MTMR8: variants seen among roughly 807,000 people sequenced by gnomAD.
MTMR8 encodes myotubularin related protein 8.
In MTMR8, 65 loss-of-function variants were observed where a neutral mutation model predicts 39.3. The observed-to-expected ratio is 1.65, with a 90% CI of 1.35 to 2.03. MTMR8 has a LOEUF of 2.03. MTMR8 is among the 30% of genes most tolerant of loss of function. MTMR8 has a pLI of 0.00. For synonymous variants in MTMR8, 245 were observed against 185.2 expected, an observed-to-expected ratio of 1.32 and a Z score of -2.62; for missense variants, 777 against 538.9, an observed-to-expected ratio of 1.44 and a Z score of -4.37.
chrX:64,346,742 CT>C (rs1419790947), intron 6 of MTMR8, among the ~76,000 whole-genome samples: 11 of 110,188 alleles, frequency 1.0e-4, no homozygotes, highest in African/African-American at 3.7e-4. Flanking sequence ...TTAAAAGGGG[CT>C]TTTTGGTGTT....
chrX:64,290,741 T>C (rs1047812224), intron 12 of MTMR8, among the ~76,000 whole-genome samples: 2 of 112,112 alleles, frequency 1.8e-5, no homozygotes, highest in Admixed American at 1.9e-4. Context: ...CATTTTGAAA[T>C]TGGCATTTTT....
At chrX:64,289,673 G>T (rs6524874) in intron 12 of MTMR8, among the ~76,000 whole-genome samples, 8,517 of 92,323 alleles carry the variant, frequency 0.092, 1,027 homozygotes, top group African/African-American at 0.46. Context: ...TAAGTTGGGA[G>T]CAAGGACTCA....
In MTMR8 at chrX:64,268,532, C is replaced by T. The variant is rs1261613953; in HGVS notation, c.*5G>A. The T allele has an allele frequency of 7.5e-6, 9 of 1,197,091 alleles. No homozygotes were observed. Among genetic ancestry groups the T allele is most frequent in the Non-Finnish European group, 9.0e-6 (8 of 889,192 alleles). On this transcript the variant is annotated 3_prime_UTR_variant, in exon 14 of 14. Transcript: ENST00000374852. The stretch of plus-strand genomic sequence containing the variant: ...TATACCTAGCATGGAAGATGAGTAA[C>T]TAACTCACTGATGCTTGGAGTAGTC...
Position 64,268,502 on chromosome X carries a change from G to A in MTMR8, c.*35C>T. On this transcript the variant is annotated 3_prime_UTR_variant, in exon 14 of 14. Transcript: ENST00000374852. ...TGGGACAAGAATCATTGTAGCTGCT[G>A]TAGGTATACCTAGCATGGAAGATGA... 1.7e-6 allele frequency: 2 copies of A among 1,171,347 alleles called. No individual in the cohort carries two copies. Among genetic ancestry groups the A allele is most frequent in the South Asian group, 2.0e-5 (1 of 50,298 alleles).
At chrX:64,285,001 A>T (rs1179919849) in intron 12 of MTMR8, among the ~76,000 whole-genome samples, 3 of 112,150 alleles carry the variant, frequency 2.7e-5, no homozygotes, top group Non-Finnish European at 5.6e-5. Context: ...AAATGGGCTA[A>T]ATGCTCCAAT....
intron 12 of MTMR8, among the ~76,000 whole-genome samples, chrX:64,314,159 G>A (rs996765860): frequency 1.8e-5 from 2 of 112,686 alleles, no homozygotes; most frequent in African/African-American, 6.5e-5. Context: ...TAGAAGGGCC[G>A]AGGTGCTCAC....
Position 64,268,831 on chromosome X carries a change from G to T in MTMR8, c.1821C>A (p.Asp607Glu). ...CAATCTCACAACAGTTATGGTGGAG[G>T]TCTGCACCCTGGCTTTTTACTTGAT... The part of the protein sequence containing the change: ...QMDQVKSQGA[D>E]LHHNCCEIVG... Residue 607 changes from aspartate to glutamate, a missense_variant, in exon 14 of 14, where the codon GAC (aspartate) becomes GAA (glutamate). By Grantham distance (45) the Asp-to-Glu change is conservative. Coordinates refer to ENST00000374852, the MANE Select transcript of MTMR8 (RefSeq NM_017677.4). 1.7e-6 allele frequency: 2 copies of T among 1,211,690 alleles called. No homozygotes were observed. Among genetic ancestry groups the T allele is most frequent in the Non-Finnish European group, 2.2e-6 (2 of 895,526 alleles).
At chrX:64,309,865 C>T (rs1356116231) in intron 12 of MTMR8, among the ~76,000 whole-genome samples, 1 of 112,125 alleles carries the variant, frequency 8.9e-6, no homozygotes, top group African/African-American at 3.2e-5. Flanking sequence ...TACTTTATTA[C>T]TAAAAAATGC....
intron 1 of MTMR8, among the ~76,000 whole-genome samples, chrX:64,363,785 C>T (rs1311661977): frequency 9.0e-6 from 1 of 111,487 alleles, no homozygotes; most frequent in Non-Finnish European, 1.9e-5. Context: ...CAGGGTGGGG[C>T]ATCGCCTAAA....
intron 1 of MTMR8, among the ~76,000 whole-genome samples, chrX:64,381,356 T>C (rs1220468974): frequency 2.7e-5 from 3 of 112,106 alleles, no homozygotes; most frequent in Non-Finnish European, 5.6e-5. Flanking sequence ...CCAGTGATGA[T>C]GAGCATTTTT....
At chrX:64,370,863 C>T (rs1924113093) in intron 1 of MTMR8, among the ~76,000 whole-genome samples, 1 of 111,774 alleles carries the variant, frequency 8.9e-6, no homozygotes, top group African/African-American at 3.3e-5. Flanking sequence ...TCCTCAATAT[C>T]CAAGACAGAC....
At chrX:64,285,481 C>T (rs1345281105) in intron 12 of MTMR8, among the ~76,000 whole-genome samples, 1 of 111,690 alleles carries the variant, frequency 9.0e-6, no homozygotes, top group Non-Finnish European at 1.9e-5. Flanking sequence ...ACCTAATAGA[C>T]ATCTACAGAA....
intron 1 of MTMR8, among the ~76,000 whole-genome samples, chrX:64,378,503 G>C (rs1168507076): frequency 8.9e-6 from 1 of 112,417 alleles, no homozygotes; most frequent in East Asian, 2.8e-4. Context: ...TCTCAGGCAT[G>C]AGCCACTGTG....
At chrX:64,273,310 A>G (rs1216942392) in intron 12 of MTMR8, among the ~76,000 whole-genome samples, 1 of 110,947 alleles carries the variant, frequency 9.0e-6, no homozygotes. Context: ...AGAAGAAGAA[A>G]ATGTGTAATG....
intron 12 of MTMR8, among the ~76,000 whole-genome samples, chrX:64,318,974 C>T (rs1292542761): frequency 9.0e-6 from 1 of 111,653 alleles, no homozygotes; most frequent in Non-Finnish European, 1.9e-5. Context: ...AGCCACCACG[C>T]TCAGCCTAAA....
intron 12 of MTMR8, among the ~76,000 whole-genome samples, chrX:64,282,424 G>T (rs1401682931): frequency 7.2e-5 from 8 of 110,710 alleles, no homozygotes; most frequent in African/African-American, 2.6e-4. Flanking sequence ...GTTGATAGGT[G>T]CAGCAAACCA....
intron 12 of MTMR8, among the ~76,000 whole-genome samples, chrX:64,311,167 A>G (rs1019856103): frequency 9.0e-6 from 1 of 111,404 alleles, no homozygotes; most frequent in Non-Finnish European, 1.9e-5. Flanking sequence ...CATCTGTTGT[A>G]TCCTGACTTT....
At chrX:64,293,670 T>A (rs1179591056) in intron 12 of MTMR8, among the ~76,000 whole-genome samples, 1 of 111,189 alleles carries the variant, frequency 9.0e-6, no homozygotes, top group Non-Finnish European at 1.9e-5. Flanking sequence ...TTAACTGTAG[T>A]TTGGCTCTAC....
chrX:64,368,464 A>T (rs1161679067), intron 1 of MTMR8, among the ~76,000 whole-genome samples: 1 of 111,655 alleles, frequency 9.0e-6, no homozygotes, highest in Non-Finnish European at 1.9e-5. Flanking sequence ...ACACATCTAG[A>T]ACCATCTGAT....
Sources: allele counts gnomAD v4.1 joint callset (sites outside exome capture counted in the v4.1 genomes callset), GRCh38; gene constraint gnomAD v4.1.1; transcripts MANE v1.5; gene names NCBI Gene and HGNC (gene_info 2026-07-23, HGNC 2026-07-21).